Variants in LPP observed in about 807,000 individuals in gnomAD.
LPP encodes lipoma-preferred partner.
In LPP, 38 loss-of-function variants were observed where a neutral mutation model predicts 60.4. The ratio of observed to expected loss-of-function variants is 0.63; its 90% CI spans 0.49 to 0.83. The LOEUF (loss-of-function observed/expected upper bound fraction) is 0.83. Among genes scored for constraint, LPP ranks in the 40% least tolerant of loss-of-function variants. The pLI, the probability that LPP is intolerant of heterozygous loss-of-function variation, is 0.00. For synonymous variants in LPP, 328 were observed against 290.8 expected, an observed-to-expected ratio of 1.13 and a Z score of -1.30; for missense variants, 902 against 783.6, an observed-to-expected ratio of 1.15 and a Z score of -1.80.
chr3:188,358,856 C>T (rs1025314539), intron 3 of LPP, among the ~76,000 whole-genome samples: 10 of 152,050 alleles, frequency 6.6e-5, no homozygotes, highest in African/African-American at 2.2e-4. Flanking sequence ...ATGCATTGTC[C>T]GCAAAGACTA....
intron 7 of LPP, among the ~76,000 whole-genome samples, chr3:188,616,455 C>A (rs932385469): frequency 4.6e-5 from 7 of 151,992 alleles, no homozygotes; most frequent in Non-Finnish European, 7.4e-5. Context: ...ATGTCTGTTT[C>A]AATACCAGTA....
chr3:188,516,832 C>T (rs1376939398), intron 5 of LPP, among the ~76,000 whole-genome samples: 6 of 151,900 alleles, frequency 3.9e-5, no homozygotes, highest in African/African-American at 1.5e-4. Flanking sequence ...GCCTGGTAAT[C>T]TAAGGTTTAA....
chr3:188,421,092 G>A (rs1158750014), intron 4 of LPP, among the ~76,000 whole-genome samples: 1 of 152,110 alleles, frequency 6.6e-6, no homozygotes, highest in Non-Finnish European at 1.5e-5. Flanking sequence ...GACCATACAG[G>A]TAAAAAGTAG....
intron 9 of LPP, among the ~76,000 whole-genome samples, chr3:188,855,297 T>TG (rs1466681203): frequency 6.6e-6 from 1 of 152,256 alleles, no homozygotes; most frequent in Non-Finnish European, 1.5e-5. Context: ...CAATACTTAC[T>TG]GATTGCCTGT....
rs997293840 is a variant in LPP at position 188,609,089 on chromosome 3, A to T, written c.430-72A>T. 9.3e-5 allele frequency: 101 copies of T among 1,083,782 alleles called. No individual in the cohort carries two copies. Among genetic ancestry groups the T allele is most frequent in the Non-Finnish European group, 1.3e-4 (94 of 741,904 alleles). 67.1% of individuals were successfully genotyped at this position (1,083,782 alleles called of 1,614,324 possible). On this transcript the variant is annotated intron_variant, in intron 6 of 11. Coordinates refer to ENST00000617246, the MANE Select transcript of LPP (RefSeq NM_001375462.1). The surrounding 1 kb of genome is among the most constrained non-coding windows in gnomAD (Gnocchi z 6.9). ...TAGCAGTTATTAATATTTTTCATTT[A>T]TTCATTTTTATTGAGTTTCGTTGGC...
chr3:188,882,273 C>G lies in LPP; in HGVS notation c.*7794C>G, dbSNP rs1770121798. ...GAAGTTGAGAAAAGAGTATTTAAGG[C>G]ACAACAGGGAAACATGGGCTATACT... On this transcript the variant is annotated 3_prime_UTR_variant, in exon 12 of 12. Transcript: ENST00000617246. The G allele has an allele frequency of 4.5e-6, 1 of 223,006 alleles. No individual in the cohort carries two copies. The highest frequency in any genetic ancestry group is 6.6e-5 in the East Asian group (1 of 15,228). 13.8% of individuals were successfully genotyped at this position (223,006 alleles called of 1,614,324 possible). A position where few individuals can be genotyped will look rare whatever the true frequency, so the allele number is the denominator to read the frequency against.
intron 6 of LPP, among the ~76,000 whole-genome samples, chr3:188,550,962 A>C (rs1827969915): frequency 6.6e-6 from 1 of 152,164 alleles, no homozygotes; most frequent in Non-Finnish European, 1.5e-5. Context: ...GTTTCTACAG[A>C]AGGAGTTTGG....
At chr3:188,241,848 A>G (rs1577493838) in intron 2 of LPP, among the ~76,000 whole-genome samples, 1 of 152,324 alleles carries the variant, frequency 6.6e-6, no homozygotes, top group East Asian at 1.9e-4. Context: ...GGTGGGGAGT[A>G]GGACATTCTG....
intron 5 of LPP, among the ~76,000 whole-genome samples, chr3:188,486,463 C>CAAGGCTTACCT (rs1806554879): frequency 6.6e-6 from 1 of 151,974 alleles, no homozygotes; most frequent in Non-Finnish European, 1.5e-5. Flanking sequence ...GGGAGGGGGT[C>CAAGGCTTACCT]AAGGCTTACC....
chr3:188,269,943 T>C (rs79652369), intron 2 of LPP, among the ~76,000 whole-genome samples: 17,288 of 152,152 alleles, frequency 0.11, 1,334 homozygotes, highest in African/African-American at 0.21. Context: ...CCACTACACC[T>C]GGCCGTGCCT....
chr3:188,611,272 T>C (rs190695319), intron 7 of LPP, among the ~76,000 whole-genome samples: 19 of 152,306 alleles, frequency 1.2e-4, no homozygotes, highest in African/African-American at 3.6e-4. Flanking sequence ...TTTTAAATGA[T>C]TTTAAACATG....
At chr3:188,401,336 G>A (rs988010526) in intron 3 of LPP, among the ~76,000 whole-genome samples, 3 of 152,080 alleles carry the variant, frequency 2.0e-5, no homozygotes, top group Non-Finnish European at 2.9e-5. Context: ...TTTTGGTGCC[G>A]CTGGTCTGAT....
chr3:188,545,843 G>T (rs925062975), intron 6 of LPP, among the ~76,000 whole-genome samples: 1 of 152,076 alleles, frequency 6.6e-6, no homozygotes, highest in East Asian at 1.9e-4. Flanking sequence ...AGGTCCACCT[G>T]GGCTCAAAGA....
intron 7 of LPP, among the ~76,000 whole-genome samples, chr3:188,700,162 G>A (rs1484892101): frequency 6.6e-6 from 1 of 152,130 alleles, no homozygotes; most frequent in Non-Finnish European, 1.5e-5. Flanking sequence ...GAGTGATAGA[G>A]TATTCATTAT....
chr3:188,700,572 G>A (rs1298622986), intron 7 of LPP, among the ~76,000 whole-genome samples: 1 of 152,138 alleles, frequency 6.6e-6, no homozygotes, highest in African/African-American at 2.4e-5. Flanking sequence ...TCAGAAAAGG[G>A]GCAGTGGGAT....
intron 9 of LPP, among the ~76,000 whole-genome samples, chr3:188,847,930 C>A (rs947096689): frequency 6.6e-6 from 1 of 152,104 alleles, no homozygotes; most frequent in Non-Finnish European, 1.5e-5. Context: ...TGAAGCAGAG[C>A]TGGAACTAGG....
At chr3:188,482,424 C>G (rs115711590) in intron 4 of LPP, among the ~76,000 whole-genome samples, 1,777 of 152,230 alleles carry the variant, frequency 0.012, 38 homozygotes, top group African/African-American at 0.042. Context: ...CCTTTAAAGG[C>G]AGTAAAAAAC....
intron 3 of LPP, among the ~76,000 whole-genome samples, chr3:188,387,568 T>A (rs943434002): frequency 0.095 from 8 of 84 alleles, no homozygotes; most frequent in Non-Finnish European, 0.12. Flanking sequence ...AGAGGTTAAT[T>A]TTTTTTTTTT....
chr3:188,450,220 A>G (rs1796264847), intron 4 of LPP, among the ~76,000 whole-genome samples: 1 of 152,232 alleles, frequency 6.6e-6, no homozygotes, highest in Non-Finnish European at 1.5e-5. Context: ...TTTTTTCTAC[A>G]GATGAGAAAA....
Sources: allele counts gnomAD v4.1 joint callset (sites outside exome capture counted in the v4.1 genomes callset), GRCh38; gene constraint gnomAD v4.1.1; non-coding constraint Gnocchi (gnomAD v3.1); transcripts MANE v1.5; gene names NCBI Gene and HGNC (gene_info 2026-07-23, HGNC 2026-07-21).